SSBP2: variants seen among roughly 807,000 people sequenced by gnomAD.
SSBP2 encodes the protein single stranded DNA binding protein 2.
In SSBP2, 17 loss-of-function variants were observed where a neutral mutation model predicts 61.8. That is an observed-to-expected ratio of 0.28 (90% confidence interval 0.19 to 0.41). The LOEUF is 0.41. SSBP2 is among the 10% of genes least tolerant of loss of function. SSBP2 has a pLI of 1.00. For synonymous variants in SSBP2, 139 were observed against 141.3 expected, an observed-to-expected ratio of 0.98 and a Z score of 0.12; for missense variants, 310 against 458.7, an observed-to-expected ratio of 0.68 and a Z score of 2.96.
chr5:81,736,375 GAAT>G (rs1012907262), intron 1 of SSBP2, among the ~76,000 whole-genome samples: 5 of 152,138 alleles, frequency 3.3e-5, no homozygotes, highest in African/African-American at 1.2e-4. Context: ...ATGAATAAAT[GAAT>G]AATAAGTGAA....
chr5:81,671,534 A>T (rs1751576027), intron 1 of SSBP2, among the ~76,000 whole-genome samples: 1 of 152,186 alleles, frequency 6.6e-6, no homozygotes, highest in Admixed American at 6.5e-5. Context: ...TACCATAAGG[A>T]TAATTCTAAA....
intron 5 of SSBP2, among the ~76,000 whole-genome samples, chr5:81,493,694 T>G (rs1461601388): frequency 6.6e-6 from 1 of 151,678 alleles, no homozygotes; most frequent in Non-Finnish European, 1.5e-5. Context: ...AGGCCGGGGT[T>G]GCAGTGAGCC....
At chr5:81,668,525 C>A (rs745545728) in intron 1 of SSBP2, among the ~76,000 whole-genome samples, 2 of 151,778 alleles carry the variant, frequency 1.3e-5, no homozygotes, top group Admixed American at 6.6e-5. Context: ...CTGAAATTAA[C>A]CATGTTAAAC....
chr5:81,637,434 T>G (rs956031122), intron 2 of SSBP2, among the ~76,000 whole-genome samples: 1 of 152,250 alleles, frequency 6.6e-6, no homozygotes, highest in Non-Finnish European at 1.5e-5. Context: ...CATTCTCTGT[T>G]GAAACACTCA....
intron 6 of SSBP2, among the ~76,000 whole-genome samples, chr5:81,488,040 T>TATA (rs1766541049): frequency 3.5e-5 from 1 of 28,500 alleles, no homozygotes; most frequent in Non-Finnish European, 5.7e-5. Context: ...TATATATATA[T>TATA]ATATATATAT....
At chr5:81,666,881 G>A (rs1312246068) in intron 1 of SSBP2, among the ~76,000 whole-genome samples, 2 of 152,092 alleles carry the variant, frequency 1.3e-5, no homozygotes, top group Admixed American at 1.3e-4. Flanking sequence ...AGACACTGGT[G>A]GCTTCTTAAT....
intron 1 of SSBP2, among the ~76,000 whole-genome samples, chr5:81,737,343 T>C (rs1004523055): frequency 3.3e-5 from 5 of 151,010 alleles, no homozygotes; most frequent in Non-Finnish European, 7.4e-5. Flanking sequence ...AAGTCTTCTC[T>C]CTATGCTTCC....
chr5:81,588,303 T>G (rs1426828584), intron 4 of SSBP2, among the ~76,000 whole-genome samples: 1 of 152,138 alleles, frequency 6.6e-6, no homozygotes, highest in South Asian at 2.1e-4. Context: ...TTATCTTATA[T>G]ATAAAGATGT....
intron 1 of SSBP2, among the ~76,000 whole-genome samples, chr5:81,661,550 G>A (rs755371680): frequency 6.6e-6 from 1 of 151,470 alleles, no homozygotes. Context: ...TCTAACAGGT[G>A]TCAAGTGATA....
chr5:81,423,817 A>G (rs1761771115), intron 16 of SSBP2, among the ~76,000 whole-genome samples: 1 of 152,176 alleles, frequency 6.6e-6, no homozygotes, highest in South Asian at 2.1e-4. Context: ...AATATAGAAT[A>G]GCCTTCATTA....
chr5:81,666,909 G>A (rs1295864105), intron 1 of SSBP2, among the ~76,000 whole-genome samples: 2 of 152,008 alleles, frequency 1.3e-5, no homozygotes, highest in African/African-American at 4.8e-5. Flanking sequence ...GACTAACCTT[G>A]GAAGTCTTGC....
chr5:81,704,029 T>C (rs1393125876), intron 1 of SSBP2, among the ~76,000 whole-genome samples: 1 of 152,172 alleles, frequency 6.6e-6, no homozygotes. Context: ...GCTGAGGAAA[T>C]TGGCCAAGCT....
intron 1 of SSBP2, among the ~76,000 whole-genome samples, chr5:81,719,083 G>A (rs1296497968): frequency 6.6e-6 from 1 of 152,034 alleles, no homozygotes; most frequent in African/African-American, 2.4e-5. Context: ...TAAACATTTT[G>A]TTTATTCCTA....
intron 10 of SSBP2, among the ~76,000 whole-genome samples, chr5:81,459,729 G>A (rs1374616657): frequency 6.6e-6 from 1 of 152,222 alleles, no homozygotes; most frequent in Non-Finnish European, 1.5e-5. Context: ...CTAGACAGGT[G>A]TGATTTTAAA....
chr5:81,589,528 A>T lies in SSBP2; in HGVS notation c.282+25945T>A, dbSNP rs1163422822. ...ATTTGTATAGTTTTACATTTTTCCG[A>T]AATTGTTTATATACAATATCTCATC... On this transcript the variant is annotated intron_variant, in intron 4 of 16. Coordinates refer to ENST00000320672, the MANE Select transcript of SSBP2 (RefSeq NM_012446.5). Among the ~76,000 whole-genome samples, 2 of 152,226 alleles carry T rather than the reference A, an allele frequency of 1.3e-5. 1 individual carries two copies. Among genetic ancestry groups the T allele is most frequent in the Non-Finnish European group, 2.9e-5 (2 of 68,044 alleles).
chr5:81,663,260 T>C (rs1750839402), intron 1 of SSBP2, among the ~76,000 whole-genome samples: 1 of 152,226 alleles, frequency 6.6e-6, no homozygotes, highest in African/African-American at 2.4e-5. Context: ...AGCTCACAGC[T>C]AATTCCTAAC....
intron 1 of SSBP2, among the ~76,000 whole-genome samples, chr5:81,683,063 A>G (rs954426697): frequency 3.3e-5 from 5 of 151,142 alleles, no homozygotes; most frequent in South Asian, 4.2e-4. Flanking sequence ...GGAAGACTCA[A>G]TATCATCAAG....
intron 1 of SSBP2, among the ~76,000 whole-genome samples, chr5:81,662,066 C>T (rs1028243077): frequency 6.6e-6 from 1 of 152,184 alleles, no homozygotes; most frequent in Non-Finnish European, 1.5e-5. Context: ...AAATATAATA[C>T]AGAACTTAGA....
chr5:81,516,458 G>A (rs547956960), intron 4 of SSBP2, among the ~76,000 whole-genome samples: 3 of 152,146 alleles, frequency 2.0e-5, no homozygotes, highest in Non-Finnish European at 2.9e-5. Flanking sequence ...CTGAATGCTG[G>A]TAATTATCCA....
Sources: allele counts gnomAD v4.1 joint callset (sites outside exome capture counted in the v4.1 genomes callset), GRCh38; gene constraint gnomAD v4.1.1; transcripts MANE v1.5; gene names NCBI Gene and HGNC (gene_info 2026-07-23, HGNC 2026-07-21).